Variants in GSTCD observed in about 807,000 individuals in gnomAD.
The protein encoded by GSTCD is glutathione S-transferase C-terminal domain-containing protein.
A neutral mutation model predicts 68.3 loss-of-function variants in GSTCD; 44 were observed. The observed-to-expected ratio is 0.64, with a 90% confidence interval of 0.51 to 0.83. GSTCD has a LOEUF of 0.83. GSTCD is among the 40% of genes least tolerant of loss of function. The pLI, the probability that GSTCD is intolerant of heterozygous loss-of-function variation, is 0.00. For synonymous variants in GSTCD, 273 were observed against 255.2 expected, an observed-to-expected ratio of 1.07 and a Z score of -0.67; for missense variants, 739 against 735.9, an observed-to-expected ratio of 1.00 and a Z score of -0.05.
At chr4:105,749,877 A>C (rs1229291282) in intron 5 of GSTCD, among the ~76,000 whole-genome samples, 3 of 152,190 alleles carry the variant, frequency 2.0e-5, no homozygotes. Context: ...ATGACCAAAC[A>C]AGCTATAGAC....
chr4:105,717,467 T>TA (rs1692351586), intron 1 of GSTCD, 126 bp from the exon 2 acceptor site: 1 of 612,790 alleles, frequency 1.6e-6, no homozygotes, highest in East Asian at 3.0e-5. Context: ...AAACAAACCT[T>TA]ATAGCATTAT....
At chr4:105,796,403 C>T (rs2149258972) in intron 5 of GSTCD, among the ~76,000 whole-genome samples, 1 of 152,284 alleles carries the variant, frequency 6.6e-6, no homozygotes, top group South Asian at 2.1e-4. Context: ...CACAGCCAAA[C>T]CATATTGACC....
intron 5 of GSTCD, among the ~76,000 whole-genome samples, chr4:105,812,223 C>T (rs72673831): frequency 0.054 from 8,191 of 152,202 alleles, 251 homozygotes; most frequent in Middle Eastern, 0.14. Context: ...CTGAAAATTT[C>T]TTTAAATGTT....
intron 5 of GSTCD, among the ~76,000 whole-genome samples, chr4:105,763,026 G>T (rs999787070): frequency 2.6e-5 from 4 of 152,086 alleles, no homozygotes; most frequent in African/African-American, 9.7e-5. Flanking sequence ...TAATAAACAA[G>T]ACACACATTA....
At chr4:105,811,481 C>G (rs2149267026) in intron 5 of GSTCD, among the ~76,000 whole-genome samples, 1 of 129,580 alleles carries the variant, frequency 7.7e-6, no homozygotes, top group East Asian at 2.3e-4. Flanking sequence ...ATGATGAAGT[C>G]TCAATGTTAA....
At chr4:105,739,832 C>A (rs1394994864) in intron 5 of GSTCD, among the ~76,000 whole-genome samples, 1 of 152,086 alleles carries the variant, frequency 6.6e-6, no homozygotes, top group African/African-American at 2.4e-5. Context: ...CGGCTCAGTC[C>A]CCTAGGAGCA....
chr4:105,818,281 G>A (rs187487684), intron 5 of GSTCD, among the ~76,000 whole-genome samples: 1 of 140,496 alleles, frequency 7.1e-6, no homozygotes, highest in Non-Finnish European at 1.6e-5. Flanking sequence ...TTTCTCTTTT[G>A]TCTTGAAAAA....
At chr4:105,754,475 T>A (rs1734113516) in intron 5 of GSTCD, among the ~76,000 whole-genome samples, 1 of 151,410 alleles carries the variant, frequency 6.6e-6, no homozygotes, top group South Asian at 2.1e-4. Context: ...GGAAAATTGT[T>A]AAATTTATTT....
chr4:105,763,438 C>A (rs1184943795), intron 5 of GSTCD, among the ~76,000 whole-genome samples: 1 of 152,096 alleles, frequency 6.6e-6, no homozygotes, highest in African/African-American at 2.4e-5. Flanking sequence ...CTGCTGTCAT[C>A]CCATTGCACA....
chr4:105,845,549 A>G lies in GSTCD; in HGVS notation c.1874A>G (p.Asn625Ser), dbSNP rs190401072. ...SMEPESCSPK[N>S]NMIVGVPI is the part of the protein sequence containing the mutation. Reference sequence around the variant, plus strand: ...GAGCCAGAGAGCTGCTCTCCCAAAAATAACATGATTGTGGGAGTCCCCATT... The same window carrying G: ...GAGCCAGAGAGCTGCTCTCCCAAAAGTAACATGATTGTGGGAGTCCCCATT... Residue 625 changes from asparagine (N) to serine (S), a missense_variant, in exon 12 of 12, where the codon AAT becomes AGT. Asn to Ser is a conservative substitution (Grantham distance 46). Transcript: ENST00000515279. 3.8e-5 allele frequency: 62 copies of G among 1,614,100 alleles called. No homozygotes were observed. The East Asian group carries it at 1.4e-3, about 35-fold the overall frequency.
At chr4:105,772,381 A>G (rs1734885493) in intron 5 of GSTCD, among the ~76,000 whole-genome samples, 1 of 152,218 alleles carries the variant, frequency 6.6e-6, no homozygotes. Context: ...TGCCCTGACC[A>G]GAACTTCCAA....
intron 3 of GSTCD, among the ~76,000 whole-genome samples, chr4:105,725,034 G>A (rs1420739980): frequency 6.6e-6 from 1 of 151,850 alleles, no homozygotes; most frequent in Non-Finnish European, 1.5e-5. Flanking sequence ...AGTTCTTAGA[G>A]AGGGGTAAAA....
At chr4:105,802,658 C>T (rs568931598) in intron 5 of GSTCD, among the ~76,000 whole-genome samples, 2 of 152,128 alleles carry the variant, frequency 1.3e-5, no homozygotes, top group African/African-American at 4.8e-5. Flanking sequence ...ATCTATTCAC[C>T]ATACTCCTCA....
intron 5 of GSTCD, among the ~76,000 whole-genome samples, chr4:105,812,844 CAG>C (rs2149267816): frequency 6.6e-6 from 1 of 152,004 alleles, no homozygotes; most frequent in Admixed American, 6.5e-5. Flanking sequence ...GTCAGAAAAA[CAG>C]ATGAAATAAA....
intron 5 of GSTCD, among the ~76,000 whole-genome samples, chr4:105,812,411 G>T (rs937927935): frequency 5.3e-5 from 8 of 151,756 alleles, no homozygotes; most frequent in Non-Finnish European, 1.2e-4. Context: ...GTGTTGACCA[G>T]GCTGGTCTCA....
chr4:105,750,474 A>AG (rs1317303297), intron 5 of GSTCD, among the ~76,000 whole-genome samples: 7 of 151,988 alleles, frequency 4.6e-5, no homozygotes, highest in Admixed American at 4.6e-4. Context: ...AAAAAAAAAA[A>AG]AAAAAGAAAA....
chr4:105,758,930 C>T (rs981130178), intron 5 of GSTCD, among the ~76,000 whole-genome samples: 10 of 152,038 alleles, frequency 6.6e-5, no homozygotes, highest in African/African-American at 1.9e-4. Flanking sequence ...TAGATATTTG[C>T]AGGTATTTGG....
chr4:105,791,379 C>G (rs952554870), intron 5 of GSTCD, among the ~76,000 whole-genome samples: 15 of 137,248 alleles, frequency 1.1e-4, no homozygotes, highest in African/African-American at 3.9e-4. Flanking sequence ...GGCAACAGAG[C>G]GAGACTCCGT....
intron 5 of GSTCD, among the ~76,000 whole-genome samples, chr4:105,735,480 C>T (rs534867368): frequency 1.3e-5 from 2 of 152,310 alleles, no homozygotes; most frequent in South Asian, 2.1e-4. Flanking sequence ...GAGCCAGGCA[C>T]GGGATATAAT....
Sources: gnomAD v4.1 joint callset for allele counts (sites outside exome capture counted in the v4.1 genomes callset) on GRCh38, gnomAD v4.1.1 for gene constraint, MANE v1.5 for transcripts, NCBI Gene and HGNC (gene_info 2026-07-23, HGNC 2026-07-21) for gene names.